Variants in TTYH3 observed in about 807,000 individuals in gnomAD.
TTYH3 encodes protein tweety homolog 3.
TTYH3 carries 23 observed loss-of-function variants against 68.2 expected under a neutral mutation model. The ratio of observed to expected loss-of-function variants is 0.34; its 90% CI spans 0.24 to 0.48. The LOEUF (loss-of-function observed/expected upper bound fraction) is 0.48. Ranked by LOEUF, TTYH3 falls within the 20% of genes least tolerant of loss-of-function variation. The pLI is 0.99. For synonymous variants in TTYH3, 360 were observed against 332.8 expected (o/e 1.08, Z -0.89); for missense variants, 768 against 727.7 (o/e 1.06, Z -0.64).
At chr7:2,649,842 G>A in intron 6 of TTYH3, 71 bp from the exon 7 acceptor site, 3 of 1,569,432 alleles carry the variant, frequency 1.9e-6, no homozygotes, top group Non-Finnish European at 1.7e-6. Context: ...CAGGGGACGG[G>A]TTCTACCCCC....
rs768430510 is a variant in TTYH3 at position 2,647,874 on chromosome 7, C to T, written c.627-85C>T. The T allele has an allele frequency of 6.0e-6, 9 of 1,496,342 alleles. No individual in the cohort carries two copies. In the African/African-American group the frequency reaches 1.2e-4, roughly 21 times the overall value. The allele number at this position is 1,496,342 out of a possible 1,614,324, so 92.7% of individuals were successfully genotyped here. The stretch of plus-strand genomic sequence containing the variant: ...CCCTCTGGGGTGCCAGGCTGCTGGC[C>T]TCAGCTCCCCCTCAAGGGCCCCTGG... On this transcript the variant is annotated intron_variant, in intron 4 of 13. Transcript: ENST00000258796.
chr7:2,646,819 C>A, intron 1 of TTYH3, 34 bp from the exon 2 acceptor site: 1 of 1,575,060 alleles, frequency 6.3e-7, no homozygotes, highest in Non-Finnish European at 8.6e-7. Flanking sequence ...GCTGGGGGTC[C>A]ACCCCTCCAG....
At chr7:2,652,888 C>A (rs1195178490) in intron 8 of TTYH3, 30 bp from the exon 9 acceptor site, 1 of 1,531,872 alleles carries the variant, frequency 6.5e-7, no homozygotes, top group Non-Finnish European at 8.8e-7. Flanking sequence ...CCCAGCAGCG[C>A]CCATGGACTT....
intron 1 of TTYH3, among the ~76,000 whole-genome samples, chr7:2,644,946 G>A (rs1583562427): frequency 6.6e-6 from 1 of 152,246 alleles, no homozygotes; most frequent in African/African-American, 2.4e-5. Flanking sequence ...CCAAGGGGGG[G>A]CCAGGCAGGG....
chr7:2,640,403 T>TG (rs34780806), intron 1 of TTYH3, among the ~76,000 whole-genome samples: 56,580 of 151,192 alleles, frequency 0.37, 11,591 homozygotes, highest in Middle Eastern at 0.48. Context: ...TGTGTGTGTG[T>TG]GGGGGGGGAC....
Position 2,661,661 on chromosome 7 carries a change from C to T in TTYH3, c.1501-7C>T, listed in dbSNP as rs369291709. ...CCTGCTGATGCCTCCCCCTTGTCTCCCTCCAGTACACCTCCAGCATGAGAG... is the reference window on the plus strand; with the variant it reads ...CCTGCTGATGCCTCCCCCTTGTCTCTCTCCAGTACACCTCCAGCATGAGAG... On this transcript the variant is annotated splice_polypyrimidine_tract_variant and splice_region_variant and intron_variant, in intron 13 of 13. Transcript: ENST00000258796. 237 of 1,612,072 alleles carry T rather than the reference C, an allele frequency of 1.5e-4. No individual in the cohort carries two copies. Among genetic ancestry groups the T allele is most frequent in the East Asian group, 1.4e-3 (62 of 44,754 alleles).
intron 7 of TTYH3, among the ~76,000 whole-genome samples, chr7:2,650,760 G>A (rs1233336787): frequency 6.6e-6 from 1 of 151,960 alleles, no homozygotes; most frequent in Non-Finnish European, 1.5e-5. Context: ...TTTGACCCAT[G>A]ATTGAAGGTC....
At position 2,634,185 on chromosome 7, in the gene TTYH3, C is replaced by CGAG. The variant is rs1297889840; in HGVS notation, c.123+1909_123+1911dup. ...CGCCGCCTCCACTCCCGGCTCTTGG[C>CGAG]GAGGGGCTGTGGCGTGAGCTGGTCC... On this transcript the variant is annotated intron_variant, in intron 1 of 13. Coordinates refer to ENST00000258796, the MANE Select transcript of TTYH3 (RefSeq NM_025250.3). Among the ~76,000 whole-genome samples the CGAG allele has an allele frequency of 2.0e-5, 3 of 152,360 alleles. No homozygotes were observed. The East Asian group carries it at 5.8e-4, about 29-fold the overall frequency.
At chr7:2,657,110 G>A (rs1054385722) in intron 11 of TTYH3, among the ~76,000 whole-genome samples, 2 of 152,192 alleles carry the variant, frequency 1.3e-5, no homozygotes, top group African/African-American at 4.8e-5. Flanking sequence ...GGTTTGAGTG[G>A]TGTATTGGGG....
chr7:2,656,682 T>A (rs1159546327), intron 11 of TTYH3, 148 bp downstream of exon 11: 7 of 965,032 alleles, frequency 7.3e-6, no homozygotes, highest in Non-Finnish European at 1.0e-5. Context: ...CCTAGGCCTC[T>A]CTAGTGTCTC....
chr7:2,658,258 A>G, intron 11 of TTYH3, 28 bp from the exon 12 acceptor site: 2 of 1,512,664 alleles, frequency 1.3e-6, no homozygotes, highest in South Asian at 2.6e-5. Context: ...CTGGGGCCTG[A>G]GCCCGTGCTG....
In TTYH3 at chr7:2,658,430, C is replaced by T. The variant is rs758485529; in HGVS notation, c.1395C>T (p.Thr465=). ...CCAGCATCCCGGCCGCGGCCCACACCGTCAGCAACGCCCCGGTCACTGAGT... is the reference window on the plus strand; with the variant it reads ...CCAGCATCCCGGCCGCGGCCCACACTGTCAGCAACGCCCCGGTCACTGAGT... The part of the protein sequence containing the change: ...SETSIPAAAH[T]VSNAPVTEYM... The change falls in exon 12 of 14, where the codon ACC becomes ACT. Residue 465 remains threonine, a synonymous_variant. Coordinates refer to ENST00000258796, the MANE Select transcript of TTYH3 (RefSeq NM_025250.3). 41 of 1,612,224 alleles carry T rather than the reference C, an allele frequency of 2.5e-5. No homozygotes were observed. Among genetic ancestry groups the T allele is most frequent in the Middle Eastern group, 1.7e-4 (1 of 6,058 alleles).
At chr7:2,651,997 A>G (rs935366403) in intron 7 of TTYH3, among the ~76,000 whole-genome samples, 190 bp from the exon 8 acceptor site, 2 of 152,206 alleles carry the variant, frequency 1.3e-5, no homozygotes, top group Admixed American at 1.3e-4. Context: ...ACGTGCACAG[A>G]GACACATGCA....
At chr7:2,639,762 T>C (rs536042203) in intron 1 of TTYH3, among the ~76,000 whole-genome samples, 1 of 152,282 alleles carries the variant, frequency 6.6e-6, no homozygotes, top group Admixed American at 6.5e-5. Context: ...GGCCCCTCAG[T>C]GGCCTCTGTG....
At chr7:2,648,223 C>T in intron 5 of TTYH3, 169 bp downstream of exon 5, 1 of 629,116 alleles carries the variant, frequency 1.6e-6, no homozygotes, top group South Asian at 2.0e-5. Context: ...CCTTCTGTGC[C>T]TGTGGCCTGT....
intron 1 of TTYH3, among the ~76,000 whole-genome samples, chr7:2,644,546 A>C (rs1010431671): frequency 6.6e-6 from 1 of 152,136 alleles, no homozygotes; most frequent in Non-Finnish European, 1.5e-5. Flanking sequence ...ATTCAGTTTC[A>C]GTGGCTCTGG....
In TTYH3 at chr7:2,652,171, T is replaced by C. The variant is rs552486280; in HGVS notation, c.872-16T>C. 9 of 1,612,704 alleles carry C rather than the reference T, an allele frequency of 5.6e-6. No individual in the cohort carries two copies. The East Asian group carries it at 1.8e-4, about 32-fold the overall frequency. ...ACAGCTGTTGCAGCTCAGCCTTCCC[T>C]GATGTCTCTCCGCAGACATCCTGCA... On this transcript the variant is annotated splice_polypyrimidine_tract_variant and intron_variant, in intron 7 of 13. Transcript: ENST00000258796.
intron 5 of TTYH3, 180 bp downstream of exon 5, chr7:2,648,234 G>C: frequency 1.6e-6 from 1 of 607,036 alleles, no homozygotes; most frequent in Non-Finnish European, 2.9e-6. Context: ...TGTGGCCTGT[G>C]CCCCTGTGGC....
At chr7:2,646,297 G>A (rs1213309714) in intron 1 of TTYH3, among the ~76,000 whole-genome samples, 1 of 152,248 alleles carries the variant, frequency 6.6e-6, no homozygotes, top group African/African-American at 2.4e-5. Context: ...TTACAGGCGT[G>A]AGCCACCCTG....
Sources: gnomAD v4.1 joint callset for allele counts (sites outside exome capture counted in the v4.1 genomes callset) on GRCh38, gnomAD v4.1.1 for gene constraint, MANE v1.5 for transcripts, NCBI Gene and HGNC (gene_info 2026-07-23, HGNC 2026-07-21) for gene names.